ANKRD30A: variants seen among roughly 807,000 people sequenced by gnomAD.
The protein encoded by ANKRD30A is ankyrin repeat domain 30A, also known as ankyrin repeat domain-containing protein 30A.
Under a neutral mutation model 166.3 loss-of-function variants are expected in ANKRD30A, and 170 were observed. The observed-to-expected ratio is 1.02, with a 90% CI of 0.90 to 1.16. The LOEUF (loss-of-function observed/expected upper bound fraction) is 1.16, where lower values mean the gene tolerates loss of function less well. ANKRD30A is among the 50% of genes most tolerant of loss of function. The pLI is 0.00. For synonymous variants in ANKRD30A, 564 were observed against 508.9 expected (o/e 1.11, Z -1.46); for missense variants, 1,630 against 1,518.0 (o/e 1.07, Z -1.23).
intron 12 of ANKRD30A, 112 bp from the exon 13 acceptor site, chr10:37,153,460 T>A: frequency 6.6e-7 from 1 of 1,517,586 alleles, no homozygotes; most frequent in Admixed American, 2.1e-5. Context: ...AGTCGAATTG[T>A]TTGCAAAGGA....
At chr10:37,132,398 A>G (rs1836432666) in intron 4 of ANKRD30A, 52 bp downstream of exon 4, 3 of 1,050,648 alleles carry the variant, frequency 2.9e-6, no homozygotes, top group Non-Finnish European at 4.1e-6. Context: ...TTCTAGAGTA[A>G]TAACACTCAA....
At chr10:37,153,999 A>G (rs1452487988) in intron 13 of ANKRD30A, among the ~76,000 whole-genome samples, 3 of 152,248 alleles carry the variant, frequency 2.0e-5, no homozygotes, top group African/African-American at 7.2e-5. Context: ...AAGCAGGTTT[A>G]TATAGTGGAG....
At chr10:37,195,049 A>G (rs1421627284) in intron 27 of ANKRD30A, among the ~76,000 whole-genome samples, 2 of 152,160 alleles carry the variant, frequency 1.3e-5, no homozygotes, top group African/African-American at 4.8e-5. Flanking sequence ...TTCTTAGAAA[A>G]TATCAGTAAA....
chr10:37,208,300 T>C (rs1842099375), intron 31 of ANKRD30A, among the ~76,000 whole-genome samples: 1 of 152,204 alleles, frequency 6.6e-6, no homozygotes, highest in African/African-American at 2.4e-5. Context: ...CCAGTCCAGC[T>C]TGTCAGTGTA....
chr10:37,147,084 G>A (rs796918795), intron 8 of ANKRD30A, among the ~76,000 whole-genome samples: 956 of 46,886 alleles, frequency 0.02, no homozygotes, highest in South Asian at 0.042. Context: ...ATATTTTTAA[G>A]TGAGCTACTT....
chr10:37,250,703 G>A, the ANKRD30A span, among the ~76,000 whole-genome samples: 4 of 152,212 alleles, frequency 2.6e-5, no homozygotes, highest in East Asian at 3.9e-4. Context: ...TGCCCCCTGC[G>A]CCATGTGAGA....
chr10:37,157,223 A>T (rs1434470624), intron 13 of ANKRD30A, among the ~76,000 whole-genome samples: 1 of 152,222 alleles, frequency 6.6e-6, no homozygotes, highest in Non-Finnish European at 1.5e-5. Flanking sequence ...GCACGGTGTA[A>T]CAAATAGAAT....
Position 37,165,135 on chromosome 10 carries a change from G to C in ANKRD30A, c.2044G>C (p.Glu682Gln), listed in dbSNP as rs374739457. Reference protein sequence around the residue: ...PSESKQKDYEENSWDTESLCE... With the variant: ...PSESKQKDYEQNSWDTESLCE... ...AGAATCCAAACAAAAGGACTATGAA[G>C]AAAATTCTTGGGATACTGAGGTACT... The change falls in exon 18 of 36, where the codon GAA becomes CAA. Residue 682 changes from glutamate to glutamine, a missense_variant. Glu to Gln is a conservative substitution (Grantham distance 29, BLOSUM62 2). Around this residue, in one of 4 missense-constraint regions of ANKRD30A, gnomAD observed 904 missense variants for 818.5 expected, o/e 1.10. Coordinates refer to ENST00000361713, the MANE Select transcript of ANKRD30A (RefSeq NM_052997.3). 8.5e-5 allele frequency: 136 copies of C among 1,608,962 alleles called. 1 individual carries two copies. Among genetic ancestry groups the C allele is most frequent in the Non-Finnish European group, 1.0e-4 (119 of 1,175,946 alleles).
At chr10:37,245,425 T>C in the ANKRD30A span, among the ~76,000 whole-genome samples, 1 of 152,160 alleles carries the variant, frequency 6.6e-6, no homozygotes, top group African/African-American at 2.4e-5. Flanking sequence ...TTTATTTCTT[T>C]TTTTTTCTAC....
chr10:37,202,039 A>T (rs2132695620), intron 31 of ANKRD30A, among the ~76,000 whole-genome samples: 1 of 152,236 alleles, frequency 6.6e-6, no homozygotes, highest in South Asian at 2.1e-4. Flanking sequence ...GGTGATGCTG[A>T]TGCTGGTGGT....
At chr10:37,201,164 T>C (rs1192109576) in intron 30 of ANKRD30A, 71 bp from the exon 31 acceptor site, 1 of 1,252,122 alleles carries the variant, frequency 8.0e-7, no homozygotes, top group African/African-American at 1.6e-5. Flanking sequence ...AGATTTTAAT[T>C]AGGAAATTTT....
chr10:37,253,280 C>T, the ANKRD30A span, among the ~76,000 whole-genome samples: 3 of 152,108 alleles, frequency 2.0e-5, no homozygotes, highest in Non-Finnish European at 2.9e-5. Flanking sequence ...AGCCACTAGC[C>T]ACATGTGGCT....
rs367966358 is a variant in ANKRD30A at position 37,162,803 on chromosome 10, C to A, written c.1957C>A (p.Pro653Thr). ...EPATEMQKSV[P>T]NKALELKNEQ... is the part of the protein sequence containing the mutation. ...TGCCACTGAAATGCAAAAGTCTGTC[C>A]CAAATAAAGCCTTGGAATTGAAAAA... The change falls in exon 17 of 36, where the codon CCA becomes ACA. Residue 653 changes from proline (P) to threonine (T), a missense_variant. By Grantham distance (38) the Pro-to-Thr change is conservative. Around this residue, in one of 4 missense-constraint regions of ANKRD30A, gnomAD observed 904 missense variants for 818.5 expected, o/e 1.10. Coordinates refer to ENST00000361713, the MANE Select transcript of ANKRD30A (RefSeq NM_052997.3). The A allele has an allele frequency of 6.2e-6, 10 of 1,613,638 alleles. No individual in the cohort carries two copies. Among genetic ancestry groups the A allele is most frequent in the Non-Finnish European group, 8.5e-6 (10 of 1,179,778 alleles).
intron 31 of ANKRD30A, among the ~76,000 whole-genome samples, chr10:37,202,012 T>G (rs1202697005): frequency 2.0e-5 from 3 of 152,120 alleles, no homozygotes; most frequent in Non-Finnish European, 4.4e-5. Flanking sequence ...GGATTCTGCA[T>G]TTTTAAAAAG....
rs1311925066 is a variant in ANKRD30A, at chr10:37,125,891, A to G, written c.104A>G (p.His35Arg). The change falls in exon 1 of 36, where the codon CAC becomes CGC. Residue 35 changes from histidine to arginine, a missense_variant. Around this residue, in one of 4 missense-constraint regions of ANKRD30A, gnomAD observed 904 missense variants for 818.5 expected, o/e 1.10. Transcript: ENST00000361713. ...VYTSNDSYIV[H>R]SGDLRKIHKA... ...ACCAGCAACGACTCCTACATCGTCC[A>G]CTCTGGGGATCTTAGAAAGATCCAT... is the stretch of plus-strand genomic sequence containing the variant. The G allele has an allele frequency of 6.4e-7, 1 of 1,573,060 alleles. No individual in the cohort carries two copies. The highest frequency in any genetic ancestry group is 8.7e-7 in the Non-Finnish European group (1 of 1,145,520).
chr10:37,143,451 C>T (rs1045400482), intron 7 of ANKRD30A, among the ~76,000 whole-genome samples: 4 of 152,038 alleles, frequency 2.6e-5, no homozygotes, highest in Admixed American at 2.6e-4. Context: ...GTCAGGAGTT[C>T]GAGAACAGTC....
chr10:37,216,125 C>T lies in ANKRD30A; in HGVS notation c.2870-56C>T. On this transcript the variant is annotated intron_variant, in intron 31 of 35. Transcript: ENST00000361713. ...TATAAGTGATTGTTAAAATATGCAG[C>T]CCTTTATATCCCAAAAGTACTAATA... 6 of 1,260,422 alleles carry T rather than the reference C, an allele frequency of 4.8e-6. No individual in the cohort carries two copies. The South Asian group carries it at 8.2e-5, about 17-fold the overall frequency. 78.1% of individuals were successfully genotyped at this position (1,260,422 alleles called of 1,614,324 possible).
At chr10:37,199,590 T>C in intron 29 of ANKRD30A, 137 bp from the exon 30 acceptor site, 1 of 482,942 alleles carries the variant, frequency 2.1e-6, no homozygotes, top group East Asian at 3.8e-5. Context: ...GAAGTAGTCA[T>C]TGTAATCAAC....
the ANKRD30A span, among the ~76,000 whole-genome samples, chr10:37,243,673 A>G: frequency 1.3e-5 from 2 of 152,158 alleles, no homozygotes; most frequent in Non-Finnish European, 2.9e-5. Flanking sequence ...AGGCTAACTG[A>G]CATAAATAAG....
Sources: gnomAD v4.1 joint callset for allele counts (sites outside exome capture counted in the v4.1 genomes callset) on GRCh38, gnomAD v4.1.1 for gene constraint, gnomAD v4.1.1 regional missense constraint, MANE v1.5 for transcripts, NCBI Gene and HGNC (gene_info 2026-07-23, HGNC 2026-07-21) for gene names.